The following TRPM3 variants were observed in gnomAD, a reference collection of about 807,000 sequenced individuals.
TRPM3 encodes transient receptor potential cation channel subfamily M member 3, also known as long transient receptor potential channel 3.
In TRPM3, 77 loss-of-function variants were observed where a neutral mutation model predicts 181.2. The ratio of observed to expected loss-of-function variants is 0.42; its 90% CI spans 0.35 to 0.51. The LOEUF is 0.51. Among genes scored for constraint, TRPM3 ranks in the 20% least tolerant of loss-of-function variants. The pLI, the probability that TRPM3 is intolerant of heterozygous loss-of-function variation, is 0.01. For missense variants in TRPM3, 1,759 were observed against 2,196.7 expected, an observed-to-expected ratio of 0.80 and a Z score of 3.98; for synonymous variants, 745 against 796.4, an observed-to-expected ratio of 0.94 and a Z score of 1.09.
chr9:71,054,460 G>A (rs1325210738), intron 1 of TRPM3, among the ~76,000 whole-genome samples: 1 of 152,024 alleles, frequency 6.6e-6, no homozygotes, highest in African/African-American at 2.4e-5. Flanking sequence ...GTTACGAAGT[G>A]AAATAAAATT....
At chr9:70,917,295 G>T in intron 1 of TRPM3, 1 of 1,374,396 alleles carries the variant, frequency 7.3e-7, no homozygotes, top group Non-Finnish European at 1.0e-6. Context: ...AAGCGAAAGT[G>T]GTATATTATT....
At chr9:70,666,174 T>C (rs566744489) in intron 9 of TRPM3, among the ~76,000 whole-genome samples, 1 of 152,304 alleles carries the variant, frequency 6.6e-6, no homozygotes, top group South Asian at 2.1e-4. Flanking sequence ...CTGTAGCCAA[T>C]AGAATGCAGC....
rs1452848305 is a variant in TRPM3, at chr9:70,754,853, G to A, written c.1272+6748C>T. Among the ~76,000 whole-genome samples the A allele has an allele frequency of 5.9e-5, 9 of 152,250 alleles. No homozygotes were observed. In the East Asian group the frequency reaches 1.5e-3, roughly 26 times the overall value. ...TGTGCTATGCTATGGAGCCTAATGA[G>A]TAGAAAACACGGGGTCTGCAGCAAG... On this transcript the variant is annotated intron_variant, in intron 8 of 25. Coordinates refer to ENST00000677713, the MANE Select transcript of TRPM3 (RefSeq NM_001366145.2).
At chr9:71,275,539 T>C (rs1364271701) in intron 1 of TRPM3, among the ~76,000 whole-genome samples, 1 of 152,170 alleles carries the variant, frequency 6.6e-6, no homozygotes, top group Non-Finnish European at 1.5e-5. Context: ...TGTGTGTGTG[T>C]ATTATATATG....
chr9:71,145,121 G>A (rs1320482984), intron 1 of TRPM3, among the ~76,000 whole-genome samples: 1 of 152,086 alleles, frequency 6.6e-6, no homozygotes, highest in Non-Finnish European at 1.5e-5. Flanking sequence ...TATTCTTAGA[G>A]AAACTAGAAC....
chr9:71,185,699 CT>C (rs1299732849), intron 1 of TRPM3, among the ~76,000 whole-genome samples: 1 of 151,940 alleles, frequency 6.6e-6, no homozygotes, highest in African/African-American at 2.4e-5. Context: ...GCATATGACA[CT>C]GCTTTGGGTA....
At chr9:70,565,766 A>T (rs2050423870) in intron 22 of TRPM3, among the ~76,000 whole-genome samples, 1 of 152,242 alleles carries the variant, frequency 6.6e-6, no homozygotes, top group South Asian at 2.1e-4. Flanking sequence ...TTGTGAAGTC[A>T]CTAGACACAA....
chr9:70,762,084 TTAACAGTACTATATAAATCTCC>T (rs1167164054), intron 7 of TRPM3, among the ~76,000 whole-genome samples: 1 of 152,188 alleles, frequency 6.6e-6, no homozygotes, highest in African/African-American at 2.4e-5. Flanking sequence ...AGTACTGTTC[TTAACAGTACTATATAAATCTCC>T]TAACAGTACT....
chr9:71,306,649 G>A (rs997303439), intron 1 of TRPM3, among the ~76,000 whole-genome samples: 2 of 152,180 alleles, frequency 1.3e-5, no homozygotes, highest in African/African-American at 4.8e-5. Flanking sequence ...GCTGAGGCAG[G>A]TGGATCACAA....
At chr9:71,130,432 C>G (rs1177377501) in intron 1 of TRPM3, among the ~76,000 whole-genome samples, 1 of 152,058 alleles carries the variant, frequency 6.6e-6, no homozygotes, top group African/African-American at 2.4e-5. Context: ...ATAGTAAGTA[C>G]AGACCAAAGG....
intron 7 of TRPM3, chr9:70,774,229 G>T: frequency 6.5e-6 from 1 of 153,560 alleles, no homozygotes; most frequent in South Asian, 1.9e-4. Context: ...GAGATAGCAA[G>T]ACCAACCCCT....
rs2087308299 is a variant in TRPM3 at position 70,797,143 on chromosome 9, A to G, written c.974-12864T>C. On this transcript the variant is annotated intron_variant, in intron 6 of 25. Transcript: ENST00000677713. ...AGATCTTGTCTCTTGAAAAAACAAAAAGGTAGATAGGTTAAATGACAACGT... is the reference window on the plus strand; with the variant it reads ...AGATCTTGTCTCTTGAAAAAACAAAGAGGTAGATAGGTTAAATGACAACGT... Among the ~76,000 whole-genome samples the G allele has an allele frequency of 2.0e-5, 3 of 152,154 alleles. No individual in the cohort carries two copies. The South Asian group carries it at 6.2e-4, about 32-fold the overall frequency.
rs138696328 is a variant in TRPM3, at chr9:71,015,925, G to A, written c.177+105253C>T. On this transcript the variant is annotated intron_variant, in intron 1 of 25. Coordinates refer to ENST00000677713, the MANE Select transcript of TRPM3 (RefSeq NM_001366145.2). The stretch of plus-strand genomic sequence containing the variant: ...GTAAAAAAAATTCTAGGCCGGGCAC[G>A]GTGGCTTACACCTGTAATCCCAGCA... 4.6e-3 allele frequency among the ~76,000 whole-genome samples: 696 copies of A among 151,998 alleles called. 2 individuals are homozygous for A. The highest frequency in any genetic ancestry group is 0.016 in the African/African-American group (650 of 41,468).
chr9:71,347,523 A>G (rs939241750), intron 1 of TRPM3, among the ~76,000 whole-genome samples: 1 of 152,218 alleles, frequency 6.6e-6, no homozygotes, highest in African/African-American at 2.4e-5. Context: ...TTACATGGAT[A>G]CTGTGGTTAG....
intron 9 of TRPM3, among the ~76,000 whole-genome samples, chr9:70,674,724 A>ATTTTTTTT (rs67630432): frequency 2.0e-5 from 2 of 97,888 alleles, no homozygotes; most frequent in African/African-American, 8.0e-5. Context: ...TATTCAGGCT[A>ATTTTTTTT]TTTTTTTTTT....
At chr9:70,964,763 C>T (rs2097169943) in intron 1 of TRPM3, among the ~76,000 whole-genome samples, 1 of 152,056 alleles carries the variant, frequency 6.6e-6, no homozygotes, top group Non-Finnish European at 1.5e-5. Flanking sequence ...TCACCTTTTG[C>T]TTTCCAAAGA....
chr9:70,577,799 G>T (rs112071596), intron 22 of TRPM3, among the ~76,000 whole-genome samples: 3 of 152,058 alleles, frequency 2.0e-5, no homozygotes, highest in Admixed American at 1.3e-4. Context: ...GGTGTCCCCC[G>T]CCCTGTATAT....
chr9:70,892,063 A>G (rs2132862427), intron 1 of TRPM3, among the ~76,000 whole-genome samples: 1 of 152,286 alleles, frequency 6.6e-6, no homozygotes, highest in Admixed American at 6.5e-5. Flanking sequence ...TGGTTGGAGC[A>G]GGAGGGATTT....
chr9:71,275,992 C>T (rs534622969), intron 1 of TRPM3, among the ~76,000 whole-genome samples: 2 of 152,152 alleles, frequency 1.3e-5, no homozygotes, highest in African/African-American at 2.4e-5. Context: ...CAGGAACCCG[C>T]CACCACACCC....
Sources: gnomAD v4.1 joint callset for allele counts (sites outside exome capture counted in the v4.1 genomes callset) on GRCh38, gnomAD v4.1.1 for gene constraint, MANE v1.5 for transcripts, NCBI Gene and HGNC (gene_info 2026-07-23, HGNC 2026-07-21) for gene names.